Variants in GMDS observed in about 807,000 individuals in gnomAD.
GMDS encodes GDP-mannose 4,6-dehydratase.
In GMDS, 20 loss-of-function variants were observed where a neutral mutation model predicts 49.9. The observed-to-expected ratio is 0.40, with a 90% CI of 0.28 to 0.58. The LOEUF is 0.58. GMDS is among the 20% of genes least tolerant of loss of function. GMDS has a pLI of 0.42. For synonymous variants in GMDS, 177 were observed against 178.6 expected, an observed-to-expected ratio of 0.99 and a Z score of 0.07; for missense variants, 362 against 481.4, an observed-to-expected ratio of 0.75 and a Z score of 2.32.
intron 7 of GMDS, among the ~76,000 whole-genome samples, chr6:1,790,495 G>A (rs1049951809): frequency 6.6e-6 from 1 of 152,168 alleles, no homozygotes; most frequent in African/African-American, 2.4e-5. Flanking sequence ...ACCTAAACTC[G>A]TAGCTGCTGT....
At chr6:1,970,565 C>CA (rs1209240837) in intron 4 of GMDS, among the ~76,000 whole-genome samples, 1 of 152,190 alleles carries the variant, frequency 6.6e-6, no homozygotes, top group Non-Finnish European at 1.5e-5. Flanking sequence ...CCAAAGGCGA[C>CA]AGAGACAGGG....
intron 4 of GMDS, among the ~76,000 whole-genome samples, chr6:2,058,740 A>G (rs1439592765): frequency 6.6e-6 from 1 of 152,200 alleles, no homozygotes; most frequent in Non-Finnish European, 1.5e-5. Context: ...AAATATTGTC[A>G]TGTGAGTCAG....
chr6:2,011,314 A>T (rs918144488), intron 4 of GMDS, among the ~76,000 whole-genome samples: 1 of 152,224 alleles, frequency 6.6e-6, no homozygotes, highest in African/African-American at 2.4e-5. Context: ...GTTGGTGAGG[A>T]TGCAAAGAGA....
intron 8 of GMDS, among the ~76,000 whole-genome samples, chr6:1,727,836 G>A (rs1185768238): frequency 1.3e-5 from 2 of 152,204 alleles, no homozygotes; most frequent in African/African-American, 4.8e-5. Flanking sequence ...TATGAAAACT[G>A]TCCTGTGACA....
chr6:1,628,869 A>G (rs1350401286), intron 9 of GMDS, among the ~76,000 whole-genome samples: 1 of 152,164 alleles, frequency 6.6e-6, no homozygotes, highest in Non-Finnish European at 1.5e-5. Flanking sequence ...TTTCCCTTCT[A>G]CTTTTCTTAG....
intron 4 of GMDS, among the ~76,000 whole-genome samples, chr6:2,009,761 A>G (rs1767432273): frequency 6.6e-6 from 1 of 152,206 alleles, no homozygotes; most frequent in African/African-American, 2.4e-5. Flanking sequence ...AAAAGCTGCC[A>G]ATGTCAATGA....
chr6:1,840,589 G>C (rs899875423), intron 7 of GMDS, among the ~76,000 whole-genome samples: 2 of 152,330 alleles, frequency 1.3e-5, no homozygotes. Flanking sequence ...TTTGCTGCTA[G>C]TGGGGAGCCC....
At position 2,238,490 on chromosome 6, in the gene GMDS, C is replaced by T. The variant is rs139829691; in HGVS notation, c.102+6831G>A. Among the ~76,000 whole-genome samples the T allele has an allele frequency of 2.7e-3, 413 of 152,304 alleles. 2 individuals are homozygous for T. The highest frequency in any genetic ancestry group is 9.1e-3 in the African/African-American group (377 of 41,572). ...TTTGCATCCTTGATCTCATTATCCT[C>T]ATACTTTTACTATTCTCATTCATCC... On this transcript the variant is annotated intron_variant, in intron 1 of 10. Coordinates refer to ENST00000380815, the MANE Select transcript of GMDS (RefSeq NM_001500.4).
chr6:1,986,319 A>G (rs747454566), intron 4 of GMDS, among the ~76,000 whole-genome samples: 49 of 152,284 alleles, frequency 3.2e-4, no homozygotes, highest in Admixed American at 1.2e-3. Flanking sequence ...CTGGACAAGT[A>G]TAATACGAAA....
intron 4 of GMDS, among the ~76,000 whole-genome samples, chr6:1,992,544 C>T (rs1766016882): frequency 6.6e-6 from 1 of 152,148 alleles, no homozygotes; most frequent in East Asian, 1.9e-4. Flanking sequence ...AAAATGTTTC[C>T]CCTAGAAATC....
intron 2 of GMDS, among the ~76,000 whole-genome samples, chr6:2,121,312 A>C (rs1338747567): frequency 6.6e-6 from 1 of 152,220 alleles, no homozygotes; most frequent in Non-Finnish European, 1.5e-5. Flanking sequence ...CATAAAACCC[A>C]AGAATTCTTA....
chr6:2,207,746 T>A (rs1317325966), intron 1 of GMDS, among the ~76,000 whole-genome samples: 1 of 151,912 alleles, frequency 6.6e-6, no homozygotes, highest in African/African-American at 2.4e-5. Flanking sequence ...TCATTTTAGA[T>A]CACCCCTTCC....
At chr6:1,760,740 C>T (rs1439458015) in intron 7 of GMDS, among the ~76,000 whole-genome samples, 2 of 152,206 alleles carry the variant, frequency 1.3e-5, no homozygotes, top group East Asian at 3.8e-4. Flanking sequence ...GTCACTCTTC[C>T]ACTCAGTACT....
intron 7 of GMDS, among the ~76,000 whole-genome samples, chr6:1,814,838 T>C (rs532949039): frequency 7.9e-5 from 12 of 152,324 alleles, no homozygotes; most frequent in Non-Finnish European, 1.5e-4. Flanking sequence ...AACTGGCATT[T>C]ATTTCATGAT....
At chr6:2,069,604 G>A (rs1030797505) in intron 4 of GMDS, among the ~76,000 whole-genome samples, 35 of 152,046 alleles carry the variant, frequency 2.3e-4, no homozygotes, top group Admixed American at 5.9e-4. Context: ...AAAAGTGGGC[G>A]AAGGACATGA....
chr6:2,094,765 G>C (rs1292585305), intron 4 of GMDS, among the ~76,000 whole-genome samples: 5 of 152,128 alleles, frequency 3.3e-5, no homozygotes, highest in African/African-American at 4.8e-5. Flanking sequence ...TACAGATCAG[G>C]CTCCTAGCAA....
At position 1,709,395 on chromosome 6, in the gene GMDS, G is replaced by A. The variant is rs547343130; in HGVS notation, c.987+17021C>T. ...ACTGGCTGTGCCACTAGCACACAGC[G>A]TGACCTTGGGCAAGTCACTCGGCTT... is the stretch of plus-strand genomic sequence containing the variant. On this transcript the variant is annotated intron_variant, in intron 9 of 10. Transcript: ENST00000380815. Among the ~76,000 whole-genome samples, 12 of 152,370 alleles carry A rather than the reference G, an allele frequency of 7.9e-5. No individual in the cohort carries two copies. In the South Asian group the frequency reaches 1.2e-3, roughly 16 times the overall value.
At chr6:2,004,797 A>C (rs926327342) in intron 4 of GMDS, among the ~76,000 whole-genome samples, 2 of 152,206 alleles carry the variant, frequency 1.3e-5, no homozygotes, top group African/African-American at 2.4e-5. Context: ...CAAGGAGTAC[A>C]AAGACAGACC....
chr6:2,038,139 T>C (rs1340043246), intron 4 of GMDS, among the ~76,000 whole-genome samples: 1 of 152,166 alleles, frequency 6.6e-6, no homozygotes, highest in Non-Finnish European at 1.5e-5. Flanking sequence ...CGGTCCCTTT[T>C]CATTGAAGAT....
Sources: allele counts gnomAD v4.1 joint callset (sites outside exome capture counted in the v4.1 genomes callset), GRCh38; gene constraint gnomAD v4.1.1; transcripts MANE v1.5; gene names NCBI Gene and HGNC (gene_info 2026-07-23, HGNC 2026-07-21).